The following GFRA1 variants were observed in gnomAD, a reference collection of about 807,000 sequenced individuals.
GFRA1 encodes GDNF family receptor alpha 1, also known as GDNF family receptor alpha-1.
In GFRA1, 16 loss-of-function variants were observed where a neutral mutation model predicts 51.6. The observed-to-expected ratio is 0.31, with a 90% CI of 0.21 to 0.47. GFRA1 has a LOEUF of 0.47. Ranked by LOEUF, GFRA1 falls within the 20% of genes least tolerant of loss-of-function variation. GFRA1 has a pLI of 1.00. For synonymous variants in GFRA1, 270 were observed against 241.3 expected, an observed-to-expected ratio of 1.12 and a Z score of -1.10; for missense variants, 530 against 594.3, an observed-to-expected ratio of 0.89 and a Z score of 1.13.
At chr10:116,185,700 C>T (rs1267268536) in intron 5 of GFRA1, among the ~76,000 whole-genome samples, 1 of 152,224 alleles carries the variant, frequency 6.6e-6, no homozygotes, top group East Asian at 1.9e-4. Context: ...GCTTCTCCCC[C>T]TCCCTGTCCT....
chr10:116,272,317 C>T lies in GFRA1; in HGVS notation c.-246-42G>A. ...GCTTTGAGATGAGAGCGGAGAGCGC[C>T]GGAGACTCCCCCCACAGAACCCTCT... On this transcript the variant is annotated intron_variant, in intron 1 of 10. Coordinates refer to ENST00000355422, the MANE Select transcript of GFRA1 (RefSeq NM_005264.8). The surrounding 1 kb of genome is among the most constrained non-coding windows in gnomAD (Gnocchi z 4.4). 1 of 539,578 alleles carries T rather than the reference C, an allele frequency of 1.9e-6. No homozygotes were observed. The highest frequency in any genetic ancestry group is 3.3e-6 in the Non-Finnish European group (1 of 299,620). 33.4% of individuals were successfully genotyped at this position (539,578 alleles called of 1,614,324 possible).
chr10:116,213,681 G>C (rs938255300), intron 4 of GFRA1, among the ~76,000 whole-genome samples: 1 of 152,020 alleles, frequency 6.6e-6, no homozygotes, highest in Admixed American at 6.6e-5. Flanking sequence ...AAGAACCAAG[G>C]GTCCATCAGT....
intron 4 of GFRA1, among the ~76,000 whole-genome samples, chr10:116,266,903 G>GT (rs1292960981): frequency 6.6e-6 from 1 of 152,198 alleles, no homozygotes; most frequent in Non-Finnish European, 1.5e-5. Context: ...TCCATGGACT[G>GT]TAACGATTAG....
intron 8 of GFRA1, among the ~76,000 whole-genome samples, chr10:116,092,179 C>G (rs577209151): frequency 9.9e-5 from 15 of 150,830 alleles, no homozygotes; most frequent in African/African-American, 3.6e-4. Context: ...AGTTGTGATT[C>G]CTTGGTATGC....
intron 4 of GFRA1, among the ~76,000 whole-genome samples, chr10:116,233,758 G>T (rs542933369): frequency 6.6e-6 from 1 of 152,278 alleles, no homozygotes; most frequent in Admixed American, 6.5e-5. Flanking sequence ...TCCAAACTGG[G>T]CGATGTAAAT....
At chr10:116,134,094 G>T (rs1479958979) in intron 5 of GFRA1, among the ~76,000 whole-genome samples, 1 of 152,138 alleles carries the variant, frequency 6.6e-6, no homozygotes, top group African/African-American at 2.4e-5. Context: ...TTATGAGGTA[G>T]AATAAAACAG....
chr10:116,223,225 T>A (rs1270214613), intron 4 of GFRA1, among the ~76,000 whole-genome samples: 1 of 152,124 alleles, frequency 6.6e-6, no homozygotes, highest in Non-Finnish European at 1.5e-5. Flanking sequence ...TGAGAGAACA[T>A]CTCTAGCAAT....
At chr10:116,229,882 C>G (rs1048478419) in intron 4 of GFRA1, among the ~76,000 whole-genome samples, 2 of 152,192 alleles carry the variant, frequency 1.3e-5, no homozygotes, top group African/African-American at 2.4e-5. Flanking sequence ...TTGGTACAGG[C>G]AGTCGTGTTG....
intron 4 of GFRA1, among the ~76,000 whole-genome samples, chr10:116,237,802 T>G (rs185552494): frequency 1.3e-5 from 2 of 152,166 alleles, no homozygotes; most frequent in African/African-American, 4.8e-5. Context: ...CATCCTAGAA[T>G]GTATGCAAGC....
intron 4 of GFRA1, among the ~76,000 whole-genome samples, chr10:116,238,214 C>T (rs2134613733): frequency 6.6e-6 from 1 of 152,282 alleles, no homozygotes; most frequent in Non-Finnish European, 1.5e-5. Flanking sequence ...GAAGGTGCAG[C>T]GTTTGACAAC....
At chr10:116,162,810 A>G (rs12267789) in intron 5 of GFRA1, among the ~76,000 whole-genome samples, 84,435 of 151,796 alleles carry the variant, frequency 0.56, 23,423 homozygotes, top group Middle Eastern at 0.62. Flanking sequence ...AAGAAAGAAA[A>G]AAAAAAGGAC....
At chr10:116,207,924 C>A (rs1363570885) in intron 5 of GFRA1, among the ~76,000 whole-genome samples, 1 of 152,054 alleles carries the variant, frequency 6.6e-6, no homozygotes, top group Non-Finnish European at 1.5e-5. Context: ...CAGCCCTCAG[C>A]GCTGGTCCTG....
chr10:116,169,240 T>C (rs1366317955), intron 5 of GFRA1, among the ~76,000 whole-genome samples: 3 of 152,238 alleles, frequency 2.0e-5, no homozygotes, highest in African/African-American at 7.2e-5. Context: ...GAGTTCACTT[T>C]TTGCCTTCCA....
chr10:116,226,064 A>G (rs1966274101), intron 4 of GFRA1, among the ~76,000 whole-genome samples: 1 of 152,334 alleles, frequency 6.6e-6, no homozygotes, highest in African/African-American at 2.4e-5. Context: ...TTAAAAATAA[A>G]TAAATGAAAT....
rs1965409977 is a variant in GFRA1, at chr10:116,214,246, T to G, written c.419-2601A>C. ...TTATTCCCACAGAGAGGGAATTCAC[T>G]GTTTCCACTTCTGTGCTCCTGGAGT... is the stretch of plus-strand genomic sequence containing the variant. On this transcript the variant is annotated intron_variant, in intron 4 of 10. Coordinates refer to ENST00000355422, the MANE Select transcript of GFRA1 (RefSeq NM_005264.8). 2.0e-5 allele frequency among the ~76,000 whole-genome samples: 3 copies of G among 152,362 alleles called. No homozygotes were observed. The South Asian group carries it at 6.2e-4, about 32-fold the overall frequency.
chr10:116,242,035 T>C (rs1967425234), intron 4 of GFRA1, among the ~76,000 whole-genome samples: 1 of 152,324 alleles, frequency 6.6e-6, no homozygotes, highest in African/African-American at 2.4e-5. Flanking sequence ...CTCAGGCAGT[T>C]ACCCAGATGA....
intron 6 of GFRA1, among the ~76,000 whole-genome samples, chr10:116,098,320 G>A (rs769490569): frequency 5.3e-5 from 8 of 152,218 alleles, no homozygotes; most frequent in East Asian, 1.9e-4. Flanking sequence ...ACCACGGTCC[G>A]TGCCTTGCTG....
At position 116,125,542 on chromosome 10, in the gene GFRA1, T is replaced by C. The variant is rs751758255; in HGVS notation, c.449A>G (p.Lys150Arg). 6.2e-7 allele frequency: 1 copy of C among 1,613,490 alleles called. No individual in the cohort carries two copies. Among genetic ancestry groups the C allele is most frequent in the South Asian group, 1.1e-5 (1 of 90,916 alleles). Residue 150 changes from lysine to arginine, a missense_variant, in exon 6 of 11, where the codon AAA becomes AGA. By Grantham distance (26) the Lys-to-Arg change is conservative (BLOSUM62 2). Coordinates refer to ENST00000355422, the MANE Select transcript of GFRA1 (RefSeq NM_005264.8). ...DVFQQVEHIPKGNNCLDAAKA... is the reference protein window; with the variant it reads ...DVFQQVEHIPRGNNCLDAAKA... Reference sequence around the variant, plus strand: ...CGCTGCATCCAGGCAGTTGTTCCCTTTGGGAATGTGCTCCACTGCAAATGC... The same window carrying C: ...CGCTGCATCCAGGCAGTTGTTCCCTCTGGGAATGTGCTCCACTGCAAATGC...
intron 9 of GFRA1, among the ~76,000 whole-genome samples, chr10:116,075,649 T>TAA (rs1460334685): frequency 5.3e-5 from 8 of 151,558 alleles, no homozygotes; most frequent in African/African-American, 1.9e-4. Context: ...CTCCTTTTCT[T>TAA]AAAAAAAAAT....
Sources: allele counts gnomAD v4.1 joint callset (sites outside exome capture counted in the v4.1 genomes callset), GRCh38; gene constraint gnomAD v4.1.1; non-coding constraint Gnocchi (gnomAD v3.1); transcripts MANE v1.5; gene names NCBI Gene and HGNC (gene_info 2026-07-23, HGNC 2026-07-21).